Variants in LUZP2 observed in about 807,000 individuals in gnomAD.
The protein encoded by LUZP2 is leucine zipper protein 2.
A neutral mutation model predicts 51.6 loss-of-function variants in LUZP2; 52 were observed. The ratio of observed to expected loss-of-function variants is 1.01; its 90% confidence interval spans 0.81 to 1.27. The LOEUF is 1.27. LUZP2 is among the 50% of genes most tolerant of loss of function. The pLI is 0.00. For synonymous variants in LUZP2, 154 were observed against 137.3 expected (o/e 1.12, Z -0.85); for missense variants, 436 against 395.4 (o/e 1.10, Z -0.87).
Position 24,976,741 on chromosome 11 carries a change from G to T in LUZP2, c.597+76G>T, listed in dbSNP as rs1375686138. On this transcript the variant is annotated intron_variant, in intron 8 of 11. Transcript: ENST00000336930. The stretch of plus-strand genomic sequence containing the variant: ...AAAAAAAAAAAAAAAGTTAAAGTAT[G>T]CTCATTGCTTTTCTTGATTTATTAA... The T allele has an allele frequency of 3.3e-5, 24 of 718,614 alleles. No individual in the cohort carries two copies. In the East Asian group the frequency reaches 4.4e-4, roughly 13 times the overall value. The allele number at this position is 718,614 out of a possible 1,614,324, so 44.5% of individuals were successfully genotyped here. A position where few individuals can be genotyped will look rare whatever the true frequency, so the allele number is the denominator to read the frequency against.
chr11:25,006,082 C>G (rs1289053399), intron 9 of LUZP2, among the ~76,000 whole-genome samples: 1 of 134,520 alleles, frequency 7.4e-6, no homozygotes, highest in African/African-American at 2.8e-5. Flanking sequence ...AGAAGGGATC[C>G]TAAAATTCCA....
At chr11:25,057,428 G>C (rs1211995821) in intron 10 of LUZP2, among the ~76,000 whole-genome samples, 1 of 151,954 alleles carries the variant, frequency 6.6e-6, no homozygotes, top group African/African-American at 2.4e-5. Flanking sequence ...CAGCATATTC[G>C]ACTATCAGTT....
intron 5 of LUZP2, among the ~76,000 whole-genome samples, chr11:24,811,257 C>G (rs1304957677): frequency 1.3e-5 from 2 of 152,134 alleles, no homozygotes; most frequent in Non-Finnish European, 2.9e-5. Context: ...CCCTCAGAAT[C>G]CTGCAAGCCT....
intron 6 of LUZP2, among the ~76,000 whole-genome samples, chr11:24,909,293 A>G (rs1311738940): frequency 4.6e-5 from 7 of 152,044 alleles, no homozygotes; most frequent in Non-Finnish European, 8.8e-5. Flanking sequence ...GGAAAATTTT[A>G]AATGATATTC....
intron 7 of LUZP2, among the ~76,000 whole-genome samples, chr11:24,951,261 C>T (rs1042395171): frequency 6.6e-6 from 1 of 151,424 alleles, no homozygotes; most frequent in Non-Finnish European, 1.5e-5. Flanking sequence ...TTTCTCTTGC[C>T]CTCCTTGTTA....
chr11:24,731,403 A>C (rs928892592), intron 2 of LUZP2, among the ~76,000 whole-genome samples: 3 of 151,724 alleles, frequency 2.0e-5, no homozygotes, highest in African/African-American at 7.2e-5. Flanking sequence ...TACCCTATTA[A>C]TTAGTTTATT....
chr11:25,057,627 TAA>T (rs919074504), intron 10 of LUZP2, among the ~76,000 whole-genome samples: 4 of 152,094 alleles, frequency 2.6e-5, no homozygotes, highest in African/African-American at 9.7e-5. Context: ...ATTTAGGAAT[TAA>T]GAGTTAATAT....
intron 7 of LUZP2, among the ~76,000 whole-genome samples, chr11:24,925,483 A>G (rs1460828456): frequency 6.6e-6 from 1 of 152,166 alleles, no homozygotes; most frequent in Non-Finnish European, 1.5e-5. Flanking sequence ...GCTTGTCAAA[A>G]TCAACCCAAC....
At chr11:24,968,813 G>T (rs775498609) in intron 7 of LUZP2, among the ~76,000 whole-genome samples, 2 of 152,134 alleles carry the variant, frequency 1.3e-5, no homozygotes, top group Non-Finnish European at 2.9e-5. Context: ...ATTGCTCTTC[G>T]CACCTTGGTT....
chr11:25,047,861 CG>C (rs1858365256), intron 9 of LUZP2, among the ~76,000 whole-genome samples: 1 of 152,028 alleles, frequency 6.6e-6, no homozygotes, highest in Admixed American at 6.6e-5. Context: ...GACCCTATGC[CG>C]GGTAAGAGTG....
chr11:24,845,475 TG>T (rs966258972), intron 5 of LUZP2, among the ~76,000 whole-genome samples: 1 of 152,134 alleles, frequency 6.6e-6, no homozygotes, highest in African/African-American at 2.4e-5. Flanking sequence ...GCTAAGACTT[TG>T]GGGGACTGTT....
At chr11:24,706,091 C>A (rs946814648) in intron 1 of LUZP2, among the ~76,000 whole-genome samples, 5 of 152,148 alleles carry the variant, frequency 3.3e-5, no homozygotes, top group Admixed American at 1.3e-4. Flanking sequence ...CTACTTGATA[C>A]TTCTTTCCCA....
intron 1 of LUZP2, among the ~76,000 whole-genome samples, chr11:24,530,325 T>C (rs1850953570): frequency 6.6e-6 from 1 of 150,892 alleles, no homozygotes; most frequent in Non-Finnish European, 1.5e-5. Flanking sequence ...TCTGTAATAG[T>C]TGTTAAGTCT....
intron 7 of LUZP2, among the ~76,000 whole-genome samples, chr11:24,975,212 C>T (rs1855852678): frequency 6.6e-6 from 1 of 151,884 alleles, no homozygotes; most frequent in Non-Finnish European, 1.5e-5. Context: ...CATTATTCTA[C>T]AATTAGTTCA....
At chr11:24,599,189 C>A in intron 1 of LUZP2, among the ~76,000 whole-genome samples, 1 of 152,098 alleles carries the variant, frequency 6.6e-6, no homozygotes, top group African/African-American at 2.4e-5. Flanking sequence ...TCTTGAGGCA[C>A]TTAGGTTTAA....
intron 9 of LUZP2, among the ~76,000 whole-genome samples, chr11:25,033,919 T>A (rs908714254): frequency 2.0e-5 from 3 of 152,096 alleles, no homozygotes; most frequent in Non-Finnish European, 4.4e-5. Context: ...GGTAGAATGA[T>A]TTATCTTCCT....
rs1859423448 is a variant in LUZP2, at chr11:25,080,109, C to T, written c.*1451C>T. The T allele has an allele frequency of 6.6e-6, 1 of 152,184 alleles. No individual in the cohort carries two copies. Among genetic ancestry groups the T allele is most frequent in the Non-Finnish European group, 1.5e-5 (1 of 68,028 alleles). 9.4% of individuals were successfully genotyped at this position (152,184 alleles called of 1,614,324 possible). A position where few individuals can be genotyped will look rare whatever the true frequency, so the allele number is the denominator to read the frequency against. On this transcript the variant is annotated 3_prime_UTR_variant, in exon 12 of 12. Coordinates refer to ENST00000336930, the MANE Select transcript of LUZP2 (RefSeq NM_001009909.4). Reference sequence around the variant, plus strand: ...AATAGTTCAGTGTCATTCATTAGCACAGGCAGGTCCCAACCACAATGGTTC... The same window carrying T: ...AATAGTTCAGTGTCATTCATTAGCATAGGCAGGTCCCAACCACAATGGTTC...
intron 1 of LUZP2, among the ~76,000 whole-genome samples, chr11:24,687,893 C>A (rs576518822): frequency 7.2e-5 from 11 of 152,060 alleles, no homozygotes; most frequent in South Asian, 4.1e-4. Flanking sequence ...CTTACCCAAG[C>A]CTCACTTCTC....
chr11:24,784,370 G>A (rs1200238872), intron 5 of LUZP2, among the ~76,000 whole-genome samples: 1 of 151,550 alleles, frequency 6.6e-6, no homozygotes, highest in Non-Finnish European at 1.5e-5. Context: ...AAAAAATGGT[G>A]ACAATACCCG....
Sources: gnomAD v4.1 joint callset for allele counts (sites outside exome capture counted in the v4.1 genomes callset) on GRCh38, gnomAD v4.1.1 for gene constraint, MANE v1.5 for transcripts, NCBI Gene and HGNC (gene_info 2026-07-23, HGNC 2026-07-21) for gene names.